MATN2: variants seen among roughly 807,000 people sequenced by gnomAD.
The protein encoded by MATN2 is matrilin-2.
A neutral mutation model predicts 103.2 loss-of-function variants in MATN2; 69 were observed. The ratio of observed to expected loss-of-function variants is 0.67; its 90% CI spans 0.55 to 0.82. The LOEUF is 0.82. Among genes scored for constraint, MATN2 ranks in the 40% least tolerant of loss-of-function variants. The pLI is 0.00. For synonymous variants in MATN2, 429 were observed against 450.2 expected (o/e 0.95, Z 0.60); for missense variants, 1,023 against 1,211.5 (o/e 0.84, Z 2.31).
intron 10 of MATN2, among the ~76,000 whole-genome samples, chr8:98,013,332 G>A (rs562875992): frequency 6.6e-6 from 1 of 152,320 alleles, no homozygotes; most frequent in East Asian, 1.9e-4. Context: ...TTTGCAAGGT[G>A]GGTGTGTGGG....
At chr8:98,022,993 CAGG>C (rs1813658704) in intron 13 of MATN2, among the ~76,000 whole-genome samples, 1 of 152,192 alleles carries the variant, frequency 6.6e-6, no homozygotes. Context: ...GAGGCTGAGG[CAGG>C]AGAATTGCTT....
At chr8:97,959,612 G>A (rs552517186) in intron 4 of MATN2, among the ~76,000 whole-genome samples, 19 of 152,072 alleles carry the variant, frequency 1.2e-4, no homozygotes, top group African/African-American at 4.6e-4. Context: ...GTGTCTATAA[G>A]GCTTTTTTTT....
chr8:97,941,890 A>T lies in MATN2; in HGVS notation c.826A>T (p.Thr276Ser). ...CTACATTCTCAACTCGGATCAGACG[A>T]CTTGCAGAAGTAAGATTGCTTTGCT... ...QGYILNSDQT[T>S]CRIQDLCAME... Residue 276 changes from threonine (T) to serine (S), a missense_variant, in exon 4 of 19, where the codon ACT becomes TCT. Coordinates refer to ENST00000254898, the MANE Select transcript of MATN2 (RefSeq NM_002380.5). 6.2e-7 allele frequency: 1 copy of T among 1,613,108 alleles called. No homozygotes were observed. The highest frequency in any genetic ancestry group is 8.5e-7 in the Non-Finnish European group (1 of 1,179,322).
intron 7 of MATN2, among the ~76,000 whole-genome samples, chr8:97,994,873 C>T (rs1020718712): frequency 2.0e-5 from 3 of 152,148 alleles, no homozygotes; most frequent in Non-Finnish European, 4.4e-5. Flanking sequence ...CAGTCTCCCT[C>T]CCCCTTATTC....
At chr8:98,004,530 C>T (rs896510667) in intron 8 of MATN2, among the ~76,000 whole-genome samples, 4 of 152,126 alleles carry the variant, frequency 2.6e-5, no homozygotes, top group Non-Finnish European at 5.9e-5. Flanking sequence ...TCGTATTATT[C>T]CCACAGGGTT....
intron 1 of MATN2, among the ~76,000 whole-genome samples, chr8:97,877,919 C>G (rs1384387399): frequency 6.6e-6 from 1 of 152,070 alleles, no homozygotes; most frequent in African/African-American, 2.4e-5. Context: ...TGCCTGGTTG[C>G]TTTTAGCATG....
intron 13 of MATN2, among the ~76,000 whole-genome samples, chr8:98,022,547 GA>G (rs1412526859): frequency 6.6e-6 from 1 of 152,052 alleles, no homozygotes; most frequent in African/African-American, 2.4e-5. Flanking sequence ...GATCTTTGTA[GA>G]AAAAAATTTT....
chr8:97,930,940 C>A lies in MATN2; in HGVS notation c.143-13C>A. On this transcript the variant is annotated splice_polypyrimidine_tract_variant and intron_variant, in intron 2 of 18. Coordinates refer to ENST00000254898, the MANE Select transcript of MATN2 (RefSeq NM_002380.5). Reference sequence around the variant, plus strand: ...CTCTCTTCTAATGTATTTGACCTCTCCTCTTTCCCCAGAGAGTTCCTGTGA... The same window carrying A: ...CTCTCTTCTAATGTATTTGACCTCTACTCTTTCCCCAGAGAGTTCCTGTGA... 1 of 1,587,708 alleles carries A rather than the reference C, an allele frequency of 6.3e-7. No homozygotes were observed. The highest frequency in any genetic ancestry group is 1.2e-5 in the South Asian group (1 of 85,956).
intron 15 of MATN2, among the ~76,000 whole-genome samples, chr8:98,031,270 C>T (rs1305939067): frequency 6.6e-6 from 1 of 151,472 alleles, no homozygotes; most frequent in Non-Finnish European, 1.5e-5. Flanking sequence ...CCCTGGAGGT[C>T]ACGGCTTCAG....
intron 1 of MATN2, among the ~76,000 whole-genome samples, chr8:97,874,723 CT>C (rs879510033): frequency 9.2e-4 from 133 of 144,126 alleles, no homozygotes; most frequent in Non-Finnish European, 1.1e-3. Flanking sequence ...ACCTCTTCTA[CT>C]TTTTTTTTTT....
intron 4 of MATN2, among the ~76,000 whole-genome samples, chr8:97,949,171 A>ATTTTTT (rs71271175): frequency 7.1e-6 from 1 of 140,486 alleles, no homozygotes; most frequent in African/African-American, 2.6e-5. Flanking sequence ...ACTAGAATGG[A>ATTTTTT]TTTTTTTTTT....
At chr8:97,941,321 C>G (rs566948174) in intron 3 of MATN2, among the ~76,000 whole-genome samples, 1 of 152,044 alleles carries the variant, frequency 6.6e-6, no homozygotes, top group Non-Finnish European at 1.5e-5. Context: ...TTACGTTACT[C>G]TTGAAACATG....
chr8:98,034,807 T>C (rs141509931), intron 18 of MATN2, among the ~76,000 whole-genome samples: 165 of 152,250 alleles, frequency 1.1e-3, no homozygotes, highest in African/African-American at 3.8e-3. Flanking sequence ...GGCCGAATTC[T>C]TTCATTGTCT....
intron 3 of MATN2, among the ~76,000 whole-genome samples, chr8:97,937,585 T>C (rs1404135759): frequency 1.5e-5 from 2 of 134,616 alleles, no homozygotes; most frequent in Non-Finnish European, 1.6e-5. Context: ...CCCACTAACT[T>C]TTTTTTTTTT....
At chr8:97,894,843 G>A (rs1230439393) in intron 2 of MATN2, among the ~76,000 whole-genome samples, 1 of 151,946 alleles carries the variant, frequency 6.6e-6, no homozygotes, top group African/African-American at 2.4e-5. Context: ...TGTTGCTAAT[G>A]GAAATTTTTA....
intron 1 of MATN2, among the ~76,000 whole-genome samples, chr8:97,880,627 C>T (rs572227588): frequency 1.4e-4 from 22 of 152,346 alleles, no homozygotes; most frequent in Admixed American, 2.6e-4. Flanking sequence ...CCACACCCCA[C>T]GAAATGCTTA....
chr8:98,000,902 T>C (rs1435487884), intron 7 of MATN2, among the ~76,000 whole-genome samples: 1 of 152,220 alleles, frequency 6.6e-6, no homozygotes, highest in Non-Finnish European at 1.5e-5. Context: ...AGAGAGGTCC[T>C]GTAGAAAGAA....
At chr8:97,942,016 C>A (rs1487887226) in intron 4 of MATN2, 117 bp downstream of exon 4, 2 of 1,291,450 alleles carry the variant, frequency 1.5e-6, no homozygotes, top group Non-Finnish European at 2.2e-6. Context: ...GTTATCATCC[C>A]TTGGGGACAG....
chr8:98,013,932 G>T (rs1586157585), intron 10 of MATN2, among the ~76,000 whole-genome samples: 1 of 152,112 alleles, frequency 6.6e-6, no homozygotes, highest in East Asian at 1.9e-4. Context: ...AACATAGTGG[G>T]ACCCCATCTC....
Sources: allele counts gnomAD v4.1 joint callset (sites outside exome capture counted in the v4.1 genomes callset), GRCh38; gene constraint gnomAD v4.1.1; transcripts MANE v1.5; gene names NCBI Gene and HGNC (gene_info 2026-07-23, HGNC 2026-07-21).